ASAP1: variants seen among roughly 807,000 people sequenced by gnomAD.
The protein encoded by ASAP1 is ArfGAP with SH3 domain, ankyrin repeat and PH domain 1, also known as arf-GAP with SH3 domain, ANK repeat and PH domain-containing protein 1.
In ASAP1, 43 loss-of-function variants were observed where a neutral mutation model predicts 145.2. That is an observed-to-expected ratio of 0.30 (90% CI 0.23 to 0.38). The LOEUF (loss-of-function observed/expected upper bound fraction) is 0.38, where lower values mean the gene tolerates loss of function less well. Among genes scored for constraint, ASAP1 ranks in the 10% least tolerant of loss-of-function variants. ASAP1 has a pLI of 1.00. For synonymous variants in ASAP1, 546 were observed against 515.5 expected, an observed-to-expected ratio of 1.06 and a Z score of -0.80; for missense variants, 1,018 against 1,355.3, an observed-to-expected ratio of 0.75 and a Z score of 3.91.
chr8:130,179,375 G>A lies in ASAP1; in HGVS notation c.661-26C>T, dbSNP rs375130287. On this transcript the variant is annotated intron_variant, in intron 8 of 29. Coordinates refer to ENST00000518721, the MANE Select transcript of ASAP1 (RefSeq NM_018482.4). ...CTGTGAAAATAAAACAGGGTTTTGC[G>A]TTGATTAATTCCAGATGGGGCTCTT... 615 of 1,458,526 alleles carry A rather than the reference G, an allele frequency of 4.2e-4. 8 individuals carry two copies. The South Asian group carries it at 5.7e-3, about 14-fold the overall frequency. 90.3% of individuals were successfully genotyped at this position (1,458,526 alleles called of 1,614,324 possible). A position where few individuals can be genotyped will look rare whatever the true frequency, so the allele number is the denominator to read the frequency against.
intron 3 of ASAP1, among the ~76,000 whole-genome samples, chr8:130,317,788 T>G (rs1016275074): frequency 6.6e-6 from 1 of 152,222 alleles, no homozygotes; most frequent in Non-Finnish European, 1.5e-5. Context: ...AGCCATCCTT[T>G]GTGGCTGAAG....
chr8:130,146,000 C>G (rs1308802943), intron 13 of ASAP1, among the ~76,000 whole-genome samples: 1 of 150,308 alleles, frequency 6.7e-6, no homozygotes, highest in African/African-American at 2.4e-5. Context: ...TGCCACCATA[C>G]CTGGCTAAGT....
chr8:130,266,749 T>C (rs1820269157), intron 3 of ASAP1, among the ~76,000 whole-genome samples: 1 of 151,674 alleles, frequency 6.6e-6, no homozygotes, highest in African/African-American at 2.4e-5. Context: ...ACCTAAATAG[T>C]AAAATAAAAT....
chr8:130,383,461 G>A lies in ASAP1; in HGVS notation c.59+18424C>T, dbSNP rs181790484. ...ATCTGAGAGGACAGCAGAGCCCAGAGGATCGACTATGAACCAGGCACAGTG... is the reference window on the plus strand; with the variant it reads ...ATCTGAGAGGACAGCAGAGCCCAGAAGATCGACTATGAACCAGGCACAGTG... On this transcript the variant is annotated intron_variant, in intron 2 of 29. Transcript: ENST00000518721. 3.3e-5 allele frequency among the ~76,000 whole-genome samples: 5 copies of A among 152,298 alleles called. No individual in the cohort carries two copies. The East Asian group carries it at 7.7e-4, about 24-fold the overall frequency.
chr8:130,399,046 A>C (rs1372688719), intron 2 of ASAP1, among the ~76,000 whole-genome samples: 1 of 152,228 alleles, frequency 6.6e-6, no homozygotes, highest in Non-Finnish European at 1.5e-5. Context: ...GGCCAGTAGA[A>C]TATAAGTAGG....
At position 130,115,671 on chromosome 8, in the gene ASAP1, C is replaced by G; in HGVS notation, c.2129G>C (p.Arg710Pro). The part of the protein sequence containing the change: ...HVHVEYEWNL[R>P]QEEIDESDDD... ...ATCGCTCTCATCTATCTCCTCCTGT[C>G]GAAGATTCCACTCATATTCTACGTG... Residue 710 changes from arginine to proline, a missense_variant, in exon 23 of 30, where the codon CGA becomes CCA. This residue lies in a region of ASAP1 where 353 missense variants were observed against 375.4 expected (regional missense o/e 0.94). Transcript: ENST00000518721. 6.2e-7 allele frequency: 1 copy of G among 1,614,140 alleles called. No individual in the cohort carries two copies. The highest frequency in any genetic ancestry group is 8.5e-7 in the Non-Finnish European group (1 of 1,179,988).
chr8:130,173,911 A>T lies in ASAP1; in HGVS notation c.747-4844T>A, dbSNP rs1033393297. Among the ~76,000 whole-genome samples the T allele has an allele frequency of 2.1e-5, 3 of 144,924 alleles. No homozygotes were observed. In the East Asian group the frequency reaches 6.1e-4, roughly 29 times the overall value. ...AACAAGGTAAAACCTTGTCTCTACT[A>T]AAAAAAAAAGAAAAAAAAAATTAGC... On this transcript the variant is annotated intron_variant, in intron 9 of 29. Coordinates refer to ENST00000518721, the MANE Select transcript of ASAP1 (RefSeq NM_018482.4).
At chr8:130,392,319 A>G (rs1828320388) in intron 2 of ASAP1, among the ~76,000 whole-genome samples, 1 of 152,250 alleles carries the variant, frequency 6.6e-6, no homozygotes, top group Non-Finnish European at 1.5e-5. Flanking sequence ...ATGTTTGCTG[A>G]CAGACAAAAG....
At chr8:130,094,697 C>T (rs1301294707) in intron 24 of ASAP1, among the ~76,000 whole-genome samples, 1 of 152,248 alleles carries the variant, frequency 6.6e-6, no homozygotes, top group South Asian at 2.1e-4. Flanking sequence ...ACTGGCGAGG[C>T]ACTCACCCCA....
Position 130,400,505 on chromosome 8 carries a change from C to A in ASAP1, c.59+1380G>T, listed in dbSNP as rs1335016297. On this transcript the variant is annotated intron_variant, in intron 2 of 29. Coordinates refer to ENST00000518721, the MANE Select transcript of ASAP1 (RefSeq NM_018482.4). ...ACGTGGCATAGGAAAAAAAAAAAGGCCAGGTGGGCACGGTGGCTCACGCCT... is the reference window on the plus strand; with the variant it reads ...ACGTGGCATAGGAAAAAAAAAAAGGACAGGTGGGCACGGTGGCTCACGCCT... Among the ~76,000 whole-genome samples the A allele has an allele frequency of 2.0e-5, 3 of 149,398 alleles. No homozygotes were observed. The East Asian group carries it at 5.8e-4, about 29-fold the overall frequency.
intron 13 of ASAP1, among the ~76,000 whole-genome samples, chr8:130,142,011 C>A (rs1028318671): frequency 1.3e-5 from 2 of 152,326 alleles, no homozygotes; most frequent in Non-Finnish European, 2.9e-5. Context: ...TACCACCGTG[C>A]CCAGCCCTCA....
rs533701014 is a variant in ASAP1, at chr8:130,419,097, G to C, written c.-27-17127C>G. On this transcript the variant is annotated intron_variant, in intron 1 of 29. Transcript: ENST00000518721. The stretch of plus-strand genomic sequence containing the variant: ...CTTCCTGGAGGCCAGGGTCCCGCAC[G>C]CATTGTCTCACCCCAGCCAGTGTGT... 2.0e-5 allele frequency among the ~76,000 whole-genome samples: 3 copies of C among 152,258 alleles called. No individual in the cohort carries two copies. The South Asian group carries it at 6.2e-4, about 32-fold the overall frequency.
chr8:130,416,096 G>T (rs1027513213), intron 1 of ASAP1, among the ~76,000 whole-genome samples: 1 of 152,076 alleles, frequency 6.6e-6, no homozygotes, highest in African/African-American at 2.4e-5. Flanking sequence ...TCTCCCAGGC[G>T]CAGCGGGCCA....
chr8:130,384,295 T>C (rs1204160036), intron 2 of ASAP1, among the ~76,000 whole-genome samples: 3 of 152,214 alleles, frequency 2.0e-5, no homozygotes, highest in Non-Finnish European at 4.4e-5. Flanking sequence ...GAAGGGGTTA[T>C]TACACCTTTT....
At chr8:130,357,901 A>T (rs1182922188) in intron 3 of ASAP1, 116 bp downstream of exon 3, 4 of 1,396,478 alleles carry the variant, frequency 2.9e-6, no homozygotes, top group Non-Finnish European at 3.8e-6. Flanking sequence ...CGGCTCCCTG[A>T]GGGGGTGTGG....
chr8:130,205,392 A>C lies in ASAP1; in HGVS notation c.405+9164T>G, dbSNP rs568946131. On this transcript the variant is annotated intron_variant, in intron 5 of 29. Coordinates refer to ENST00000518721, the MANE Select transcript of ASAP1 (RefSeq NM_018482.4). ...TGTGAATCCTTATAAGAAAAAAAAA[A>C]AAAAAAAACAAAAACCATATTCAAA... Among the ~76,000 whole-genome samples the C allele has an allele frequency of 1.3e-4, 19 of 151,704 alleles. No homozygotes were observed. The South Asian group carries it at 1.5e-3, about 12-fold the overall frequency.
chr8:130,079,641 C>G (rs752580050), intron 26 of ASAP1, among the ~76,000 whole-genome samples: 1 of 152,108 alleles, frequency 6.6e-6, no homozygotes, highest in Non-Finnish European at 1.5e-5. Context: ...CTGCGACCAC[C>G]GGGAAGTGAG....
intron 3 of ASAP1, chr8:130,341,077 C>T (rs1242445628): frequency 2.8e-6 from 1 of 358,478 alleles, no homozygotes; most frequent in African/African-American, 2.1e-5. Flanking sequence ...TGTGAGGGTG[C>T]TTACAGATCA....
chr8:130,422,088 C>T (rs1292852158), intron 1 of ASAP1, among the ~76,000 whole-genome samples: 2 of 152,262 alleles, frequency 1.3e-5, no homozygotes, highest in South Asian at 2.1e-4. Flanking sequence ...TGGTCAGGAA[C>T]GGCCTCCTGG....
Sources: gnomAD v4.1 joint callset for allele counts (sites outside exome capture counted in the v4.1 genomes callset) on GRCh38, gnomAD v4.1.1 for gene constraint, gnomAD v4.1.1 regional missense constraint, MANE v1.5 for transcripts, NCBI Gene and HGNC (gene_info 2026-07-23, HGNC 2026-07-21) for gene names.